Variants in ROBO2 observed in about 807,000 individuals in gnomAD.
ROBO2 encodes roundabout homolog 2.
In ROBO2, 53 loss-of-function variants were observed where a neutral mutation model predicts 160.8. The observed-to-expected ratio is 0.33, with a 90% confidence interval of 0.26 to 0.41. ROBO2 has a LOEUF of 0.41. Among genes scored for constraint, ROBO2 ranks in the 10% least tolerant of loss-of-function variants. The pLI is 1.00. For synonymous variants in ROBO2, 664 were observed against 611.7 expected (o/e 1.09, Z -1.26); for missense variants, 1,577 against 1,722.4 (o/e 0.92, Z 1.49).
At chr3:76,965,688 C>G (rs2080014832) in intron 2 of ROBO2, among the ~76,000 whole-genome samples, 1 of 147,916 alleles carries the variant, frequency 6.8e-6, no homozygotes, top group Admixed American at 6.7e-5. Flanking sequence ...AAAAAAACTT[C>G]AGTAAATTGT....
intron 2 of ROBO2, among the ~76,000 whole-genome samples, chr3:77,433,055 A>T (rs1003750165): frequency 1.3e-5 from 2 of 152,088 alleles, no homozygotes; most frequent in Non-Finnish European, 2.9e-5. Flanking sequence ...CAATTGTCGG[A>T]CTAGTGATGA....
At chr3:76,729,558 ATTATAT>A (rs1170764101) in intron 2 of ROBO2, among the ~76,000 whole-genome samples, 1 of 151,770 alleles carries the variant, frequency 6.6e-6, no homozygotes, top group Non-Finnish European at 1.5e-5. Context: ...ATTTTCAGTG[ATTATAT>A]TTATATTTAA....
intron 2 of ROBO2, among the ~76,000 whole-genome samples, chr3:76,018,430 C>CT (rs980285740): frequency 3.3e-5 from 5 of 151,656 alleles, no homozygotes; most frequent in African/African-American, 9.7e-5. Flanking sequence ...TGCTGTATCT[C>CT]TATTTACTAT....
chr3:77,315,855 AG>A (rs1419246915), intron 2 of ROBO2, among the ~76,000 whole-genome samples: 4 of 152,098 alleles, frequency 2.6e-5, no homozygotes, highest in Non-Finnish European at 4.4e-5. Context: ...AAAAAGAGCC[AG>A]GGTTTTTTGC....
At chr3:76,557,043 T>G (rs2108445033) in intron 2 of ROBO2, among the ~76,000 whole-genome samples, 1 of 152,174 alleles carries the variant, frequency 6.6e-6, no homozygotes, top group South Asian at 2.1e-4. Flanking sequence ...TGCCACCCAG[T>G]TTTAGATAGT....
At chr3:76,438,766 T>C (rs867969244) in intron 2 of ROBO2, among the ~76,000 whole-genome samples, 1 of 152,138 alleles carries the variant, frequency 6.6e-6, no homozygotes, top group South Asian at 2.1e-4. Context: ...GAGTCATTTC[T>C]ATTGTAATTT....
chr3:76,056,085 A>C (rs2067835415), intron 2 of ROBO2, among the ~76,000 whole-genome samples: 1 of 152,252 alleles, frequency 6.6e-6, no homozygotes, highest in South Asian at 2.1e-4. Context: ...TGAAAAACAA[A>C]AAAAGATAAA....
chr3:77,066,467 C>A (rs902105758), intron 1 of ROBO2, among the ~76,000 whole-genome samples: 1 of 152,026 alleles, frequency 6.6e-6, no homozygotes, highest in African/African-American at 2.4e-5. Context: ...ATAGTCTAAT[C>A]ATATAATTTC....
chr3:75,962,490 G>C (rs562065471), intron 2 of ROBO2, among the ~76,000 whole-genome samples: 9 of 151,784 alleles, frequency 5.9e-5, no homozygotes, highest in Non-Finnish European at 8.8e-5. Flanking sequence ...TTGTTTCTTT[G>C]CCTCCGATAT....
chr3:77,004,333 A>G (rs1384342204), intron 2 of ROBO2, among the ~76,000 whole-genome samples: 1 of 152,216 alleles, frequency 6.6e-6, no homozygotes, highest in Non-Finnish European at 1.5e-5. Context: ...AGAAAGAGGT[A>G]TAAAGAAAAT....
intron 2 of ROBO2, among the ~76,000 whole-genome samples, chr3:76,288,419 T>A (rs943485287): frequency 2.0e-5 from 3 of 152,084 alleles, no homozygotes; most frequent in East Asian, 1.9e-4. Flanking sequence ...CCCATTTTTT[T>A]AATCATTCCC....
intron 2 of ROBO2, among the ~76,000 whole-genome samples, chr3:76,528,526 A>T (rs1408469190): frequency 2.0e-5 from 3 of 152,074 alleles, no homozygotes; most frequent in Non-Finnish European, 2.9e-5. Context: ...GAATTAGTTG[A>T]CAACTGAGTT....
intron 2 of ROBO2, among the ~76,000 whole-genome samples, chr3:77,018,894 G>A (rs145505701): frequency 3.3e-4 from 51 of 152,268 alleles, no homozygotes; most frequent in African/African-American, 1.2e-3. Flanking sequence ...AGGAGTAAGG[G>A]TAATCTGGCC....
chr3:77,499,351 T>C (rs990338963), intron 5 of ROBO2, among the ~76,000 whole-genome samples: 1 of 152,194 alleles, frequency 6.6e-6, no homozygotes, highest in African/African-American at 2.4e-5. Flanking sequence ...ATATTTTTAC[T>C]GATCTTATAG....
At chr3:76,542,633 C>T (rs976020359) in intron 2 of ROBO2, among the ~76,000 whole-genome samples, 1 of 152,168 alleles carries the variant, frequency 6.6e-6, no homozygotes, top group African/African-American at 2.4e-5. Flanking sequence ...CTTTCATGGA[C>T]TAGATCTGCT....
At chr3:77,493,295 A>C in exon 5 of ROBO2, 3 of 1,614,070 alleles carry the variant, frequency 1.9e-6, no homozygotes, top group Non-Finnish European at 2.5e-6. Context: ...CTGGAGGAAG[A>C]AGCTGTAGAA....
chr3:77,176,948 T>C (rs992916186), intron 2 of ROBO2, among the ~76,000 whole-genome samples: 5 of 151,974 alleles, frequency 3.3e-5, no homozygotes, highest in Non-Finnish European at 7.4e-5. Context: ...AGTACTTATT[T>C]ACAAAGCATG....
At chr3:77,541,360 T>C (rs1358590729) in intron 6 of ROBO2, among the ~76,000 whole-genome samples, 1 of 152,200 alleles carries the variant, frequency 6.6e-6, no homozygotes, top group Non-Finnish European at 1.5e-5. Context: ...CTGATTTCCA[T>C]GTCACCCACT....
chr3:75,934,114 C>T (rs2106965412), intron 1 of ROBO2, among the ~76,000 whole-genome samples: 1 of 152,236 alleles, frequency 6.6e-6, no homozygotes, highest in Non-Finnish European at 1.5e-5. Context: ...TTCTCTTTTG[C>T]CTTGTGACCT....
Sources: gnomAD v4.1 joint callset for allele counts (sites outside exome capture counted in the v4.1 genomes callset) on GRCh38, gnomAD v4.1.1 for gene constraint, MANE v1.5 for transcripts, NCBI Gene and HGNC (gene_info 2026-07-23, HGNC 2026-07-21) for gene names.